The following EEF2 variants were observed in gnomAD, a reference collection of about 807,000 sequenced individuals.
EEF2 encodes elongation factor 2.
EEF2 carries 21 observed loss-of-function variants against 85.3 expected under a neutral mutation model. The observed-to-expected ratio is 0.25, with a 90% CI of 0.17 to 0.35. EEF2 has a LOEUF of 0.35. Among genes scored for constraint, EEF2 ranks in the 10% least tolerant of loss-of-function variants. The pLI, the probability that EEF2 is intolerant of heterozygous loss-of-function variation, is 1.00. For synonymous variants in EEF2, 723 were observed against 508.8 expected (o/e 1.42, Z -5.67); for missense variants, 825 against 1,225.3 (o/e 0.67, Z 4.88).
chr19:3,982,613 G>C (rs746317638), intron 4 of EEF2, 189 bp from the exon 5 acceptor site: 1 of 1,050,932 alleles, frequency 9.5e-7, no homozygotes, highest in Non-Finnish European at 1.4e-6. Context: ...AGCGTTCCCT[G>C]AGCTCGTCTC....
Position 3,984,108 on chromosome 19 carries a change from C to T in EEF2, c.218+28G>A, listed in dbSNP as rs751062820. On this transcript the variant is annotated intron_variant, in intron 2 of 14. Coordinates refer to ENST00000309311, the MANE Select transcript of EEF2 (RefSeq NM_001961.4). Reference sequence around the variant, plus strand: ...AGCTGCCAGGCCAGCACCTCCCTGCCTGGGTACAGAGGGCACAGGGAGCTC... The same window carrying T: ...AGCTGCCAGGCCAGCACCTCCCTGCTTGGGTACAGAGGGCACAGGGAGCTC... 8.7e-6 allele frequency: 14 copies of T among 1,606,364 alleles called. No individual in the cohort carries two copies. The East Asian group carries it at 2.9e-4, about 33-fold the overall frequency.
Position 3,976,740 on chromosome 19 carries a change from G to A in EEF2, c.2391C>T (p.Thr797=), listed in dbSNP as rs1346079793. Residue 797 remains threonine, a synonymous_variant, in exon 15 of 15, where the codon ACC becomes ACT. Transcript: ENST00000309311. ...YLPVNESFGF[T]ADLRSNTGGQ... The stretch of plus-strand genomic sequence containing the variant: ...CGCCCGTGTTGGACCTCAGGTCAGC[G>A]GTGAAGCCTGCAGAGGGAAGCGAGA... 1.5e-5 allele frequency: 23 copies of A among 1,581,782 alleles called. No individual in the cohort carries two copies. Among genetic ancestry groups the A allele is most frequent in the Middle Eastern group, 1.7e-4 (1 of 5,948 alleles).
chr19:3,982,441 C>A lies in EEF2; in HGVS notation c.613-17G>T, dbSNP rs560481109. ...AGGATCGATCTGGAAGTGTGAGAAA[C>A]GAGAAGCAGCCGTGAGGGCCCCTGC... On this transcript the variant is annotated splice_polypyrimidine_tract_variant and intron_variant, in intron 4 of 14. Transcript: ENST00000309311. 5.0e-6 allele frequency: 8 copies of A among 1,613,770 alleles called. No individual in the cohort carries two copies. In the South Asian group the frequency reaches 6.6e-5, roughly 13 times the overall value.
chr19:3,982,660 G>C (rs554307601), intron 4 of EEF2, 147 bp downstream of exon 4: 3 of 1,121,868 alleles, frequency 2.7e-6, no homozygotes, highest in African/African-American at 3.1e-5. Context: ...GGGTCAAGTC[G>C]GATGAAAACA....
Position 3,980,983 on chromosome 19 carries a change from C to T in EEF2, c.1012-4G>A, listed in dbSNP as rs772203410. The T allele has an allele frequency of 1.5e-5, 23 of 1,568,608 alleles. No homozygotes were observed. In the East Asian group the frequency reaches 1.6e-4, roughly 11 times the overall value. ...GCAGCCAGCGGCGCATCACAGCCTG[C>T]GGGGGCAGAGAGCGGTGCATGAGAC... On this transcript the variant is annotated splice_region_variant and splice_polypyrimidine_tract_variant and intron_variant, in intron 7 of 14. Transcript: ENST00000309311.
Position 3,981,465 on chromosome 19 carries a change from C to A in EEF2, c.898-13G>T, listed in dbSNP as rs2039746140. On this transcript the variant is annotated splice_polypyrimidine_tract_variant and intron_variant, in intron 6 of 14. Transcript: ENST00000309311. ...TCGCATCAAACACCTACATTCCCCA[C>A]CAAGAAACAAGAAAGCCCATTTGGG... 6.2e-7 allele frequency: 1 copy of A among 1,610,958 alleles called. No homozygotes were observed. Among genetic ancestry groups the A allele is most frequent in the Non-Finnish European group, 8.5e-7 (1 of 1,178,060 alleles).
At position 3,976,158 on chromosome 19, in the gene EEF2, G is replaced by C. The variant is rs547982150; in HGVS notation, c.*396C>G. Reference sequence around the variant, plus strand: ...CCTGCCTGCTAGAAATCATCTACCCGCGTGTTCCTTTCCCCTTTCTGGGGC... The same window carrying C: ...CCTGCCTGCTAGAAATCATCTACCCCCGTGTTCCTTTCCCCTTTCTGGGGC... On this transcript the variant is annotated 3_prime_UTR_variant, in exon 15 of 15. Coordinates refer to ENST00000309311, the MANE Select transcript of EEF2 (RefSeq NM_001961.4). 1 of 230,954 alleles carries C rather than the reference G, an allele frequency of 4.3e-6. No homozygotes were observed. Among genetic ancestry groups the C allele is most frequent in the Admixed American group, 5.2e-5 (1 of 19,114 alleles). The allele number at this position is 230,954 out of a possible 1,614,324, so 14.3% of individuals were successfully genotyped here.
Position 3,977,491 on chromosome 19 carries a change from G to T in EEF2, c.2187C>A (p.Leu729=). 1.3e-6 allele frequency: 2 copies of T among 1,588,814 alleles called. No individual in the cohort carries two copies. Among genetic ancestry groups the T allele is most frequent in the South Asian group, 1.1e-5 (1 of 88,780 alleles). ...GCTGGGCGGTCAGCACACTGGCATAGAGGCAGCGCCGTGCTGTGGGGATGA... is the reference window on the plus strand; with the variant it reads ...GCTGGGCGGTCAGCACACTGGCATATAGGCAGCGCCGTGCTGTGGGGATGA... ...GQIIPTARRC[L]YASVLTAQPR... is the part of the protein sequence containing the mutation. Residue 729 remains leucine (L), a synonymous_variant, in exon 13 of 15, where the codon CTC becomes CTA. Transcript: ENST00000309311. This position sits in a 1 kb window ranked among gnomAD's most constrained non-coding sequence, Gnocchi z 5.4.
At chr19:3,982,500 G>GCATGGGCCTCAGA (rs755533158) in intron 4 of EEF2, 76 bp from the exon 5 acceptor site, 1 of 1,571,714 alleles carries the variant, frequency 6.4e-7, no homozygotes, top group Non-Finnish European at 8.7e-7. Context: ...GGCGCCTTGG[G>GCATGGGCCTCAGA]CATGGGCCTC....
chr19:3,979,387 A>G lies in EEF2; in HGVS notation c.1655T>C (p.Leu552Pro). Reference protein sequence around the residue: ...GEHIIAGAGELHLEICLKDLE... With the variant: ...GEHIIAGAGEPHLEICLKDLE... ...GTCCTTCAGGCAGATCTCCAGGTGC[A>G]GCTCGCCGGCGCCCGCGATGATATG... The change falls in exon 11 of 15, where the codon CTG becomes CCG. Residue 552 changes from leucine to proline, a missense_variant. Coordinates refer to ENST00000309311, the MANE Select transcript of EEF2 (RefSeq NM_001961.4). The G allele has an allele frequency of 6.2e-7, 1 of 1,614,008 alleles. No homozygotes were observed. Among genetic ancestry groups the G allele is most frequent in the Non-Finnish European group, 8.5e-7 (1 of 1,180,022 alleles).
chr19:3,984,382 G>T, intron 1 of EEF2, 32 bp from the exon 2 acceptor site: 1 of 1,603,760 alleles, frequency 6.2e-7, no homozygotes, highest in Non-Finnish European at 8.5e-7. Flanking sequence ...AGACCAGCTC[G>T]TGATTTCCAG....
At position 3,977,130 on chromosome 19, in the gene EEF2, T is replaced by C. The variant is rs2039688188; in HGVS notation, c.2383+85A>G. 2 of 1,557,256 alleles carry C rather than the reference T, an allele frequency of 1.3e-6. No homozygotes were observed. The highest frequency in any genetic ancestry group is 1.4e-5 in the African/African-American group (1 of 73,752). ...CACCTGCTCCCATCAGGACGCCTCCTTTAACACCTTGCTAAGCTTAACTGG... is the reference window on the plus strand; with the variant it reads ...CACCTGCTCCCATCAGGACGCCTCCCTTAACACCTTGCTAAGCTTAACTGG... On this transcript the variant is annotated intron_variant, in intron 14 of 14. Transcript: ENST00000309311. The surrounding 1 kb of genome is among the most constrained non-coding windows in gnomAD (Gnocchi z 5.4).
In EEF2 at chr19:3,981,519, C is replaced by G. The variant is rs1024449956; in HGVS notation, c.898-67G>C. Reference sequence around the variant, plus strand: ...AGCAGGAGGAAGCCTGGCACTGCTTCCTGCTTGGAAGACTCAGGTCAGCGC... The same window carrying G: ...AGCAGGAGGAAGCCTGGCACTGCTTGCTGCTTGGAAGACTCAGGTCAGCGC... On this transcript the variant is annotated intron_variant, in intron 6 of 14. Coordinates refer to ENST00000309311, the MANE Select transcript of EEF2 (RefSeq NM_001961.4). 19 of 1,471,992 alleles carry G rather than the reference C, an allele frequency of 1.3e-5. 1 individual carries two copies. The highest frequency in any genetic ancestry group is 1.7e-5 in the Non-Finnish European group (18 of 1,056,962). 91.2% of individuals were successfully genotyped at this position (1,471,992 alleles called of 1,614,324 possible). A position where few individuals can be genotyped will look rare whatever the true frequency, so the allele number is the denominator to read the frequency against.
chr19:3,979,380 C>A lies in EEF2; in HGVS notation c.1662G>T (p.Leu554=). ...HIIAGAGELH[L]EICLKDLEED... is the part of the protein sequence containing the mutation. ...CCTCCAGGTCCTTCAGGCAGATCTC[C>A]AGGTGCAGCTCGCCGGCGCCCGCGA... The change falls in exon 11 of 15, where the codon CTG becomes CTT. Residue 554 remains leucine, a synonymous_variant. Coordinates refer to ENST00000309311, the MANE Select transcript of EEF2 (RefSeq NM_001961.4). The A allele has an allele frequency of 6.2e-7, 1 of 1,614,064 alleles. No homozygotes were observed. The highest frequency in any genetic ancestry group is 8.5e-7 in the Non-Finnish European group (1 of 1,180,020).
At chr19:3,981,872 G>A in intron 6 of EEF2, 75 bp downstream of exon 6, 5 of 1,401,902 alleles carry the variant, frequency 3.6e-6, no homozygotes, top group South Asian at 2.4e-5. Flanking sequence ...TCAGCCGACA[G>A]GCTACCGGCC....
In EEF2 at chr19:3,984,189, G is replaced by T. The variant is rs1448751502; in HGVS notation, c.165C>A (p.Arg55=). 6.2e-7 allele frequency: 1 copy of T among 1,613,980 alleles called. No homozygotes were observed. The highest frequency in any genetic ancestry group is 1.3e-5 in the African/African-American group (1 of 74,956). The change falls in exon 2 of 15, where the codon CGC becomes CGA. Residue 55 remains arginine (R), a synonymous_variant. Transcript: ENST00000309311. ...GCTCGTCCTTCCGGGTATCAGTGAA[G>T]CGTGTCTCCCCGGCCCGGGCCGAGG... ...IIASARAGET[R]FTDTRKDEQE... is the part of the protein sequence containing the mutation.
Position 3,977,002 on chromosome 19 carries a change from C to T in EEF2, c.2383+213G>A, listed in dbSNP as rs577754172. On this transcript the variant is annotated intron_variant, in intron 14 of 14. Coordinates refer to ENST00000309311, the MANE Select transcript of EEF2 (RefSeq NM_001961.4). This position sits in a 1 kb window ranked among gnomAD's most constrained non-coding sequence, Gnocchi z 5.4. ...GCGTAGGCCTTCAGAGCTCCAGGCC[C>T]AGAGCCCTTCTCACACTGGGGATAG... Among the ~76,000 whole-genome samples the T allele has an allele frequency of 2.0e-5, 3 of 152,330 alleles. No individual in the cohort carries two copies. In the East Asian group the frequency reaches 5.8e-4, roughly 29 times the overall value.
chr19:3,981,265 G>T, intron 7 of EEF2, 74 bp downstream of exon 7: 1 of 1,450,336 alleles, frequency 6.9e-7, no homozygotes, highest in Non-Finnish European at 9.7e-7. Flanking sequence ...TCAGCCCCCA[G>T]GCCTGGGCTG....
rs1436487869 is a variant in EEF2, at chr19:3,977,204, C to A, written c.2383+11G>T. 2.5e-6 allele frequency: 4 copies of A among 1,612,284 alleles called. No homozygotes were observed. Among genetic ancestry groups the A allele is most frequent in the Middle Eastern group, 1.7e-4 (1 of 6,054 alleles). ...GCCAGGCTCTGCAGGCCACACCGGGCAGGCACTCACCAAAGGACTCGTTGA... is the reference window on the plus strand; with the variant it reads ...GCCAGGCTCTGCAGGCCACACCGGGAAGGCACTCACCAAAGGACTCGTTGA... On this transcript the variant is annotated intron_variant, in intron 14 of 14. Transcript: ENST00000309311. This position sits in a 1 kb window ranked among gnomAD's most constrained non-coding sequence, Gnocchi z 5.4.
Sources: gnomAD v4.1 joint callset for allele counts (sites outside exome capture counted in the v4.1 genomes callset) on GRCh38, gnomAD v4.1.1 for gene constraint, Gnocchi (gnomAD v3.1) non-coding constraint, MANE v1.5 for transcripts, NCBI Gene and HGNC (gene_info 2026-07-23, HGNC 2026-07-21) for gene names.